The following DCC variants were observed in gnomAD, a reference collection of about 807,000 sequenced individuals.
DCC encodes the protein netrin receptor DCC.
In DCC, 58 loss-of-function variants were observed where a neutral mutation model predicts 172.5. That is an observed-to-expected ratio of 0.34 (90% CI 0.27 to 0.42). The LOEUF is 0.42. DCC is among the 10% of genes least tolerant of loss of function. The pLI, the probability that DCC is intolerant of heterozygous loss-of-function variation, is 1.00. For synonymous variants in DCC, 709 were observed against 644.5 expected, an observed-to-expected ratio of 1.10 and a Z score of -1.52; for missense variants, 1,740 against 1,791.0, an observed-to-expected ratio of 0.97 and a Z score of 0.51.
intron 13 of DCC, among the ~76,000 whole-genome samples, chr18:53,320,320 C>A (rs1403111665): frequency 1.3e-5 from 2 of 152,102 alleles, no homozygotes; most frequent in South Asian, 4.1e-4. Flanking sequence ...GATCCGCCCG[C>A]CTCGGCCTCC....
chr18:53,070,137 G>C (rs776436567), intron 7 of DCC, among the ~76,000 whole-genome samples: 1 of 151,960 alleles, frequency 6.6e-6, no homozygotes, highest in South Asian at 2.1e-4. Flanking sequence ...CCACCACCAA[G>C]CCCAGCTAAT....
intron 1 of DCC, among the ~76,000 whole-genome samples, chr18:52,582,400 C>T (rs1226103277): frequency 6.6e-6 from 1 of 152,130 alleles, no homozygotes; most frequent in African/African-American, 2.4e-5. Context: ...GGCTTAATGG[C>T]ATTTAGCATC....
In DCC at chr18:53,499,349, A is replaced by G. The variant is rs1449194033; in HGVS notation, c.3950A>G (p.Gln1317Arg). 1.2e-6 allele frequency: 2 copies of G among 1,614,080 alleles called. No individual in the cohort carries two copies. Among genetic ancestry groups the G allele is most frequent in the East Asian group, 2.2e-5 (1 of 44,866 alleles). Residue 1317 changes from glutamine (Q) to arginine (R), a missense_variant, in exon 27 of 29, where the codon CAG (glutamine) becomes CGG (arginine). Coordinates refer to ENST00000442544, the MANE Select transcript of DCC (RefSeq NM_005215.4). ...TQQPPMLPPS[Q>R]PEHSSSEEAP... ...CAACCACCTATGCTGCCCCCATCTC[A>G]GCCTGAGCATTCTAGCAGCGAGGAG...
chr18:52,895,829 G>A (rs919097125), intron 2 of DCC, among the ~76,000 whole-genome samples: 1 of 152,118 alleles, frequency 6.6e-6, no homozygotes, highest in Non-Finnish European at 1.5e-5. Flanking sequence ...GTGTTGCCCA[G>A]GCTGGAGTGC....
intron 7 of DCC, among the ~76,000 whole-genome samples, chr18:53,138,665 C>T (rs1247819081): frequency 4.6e-5 from 7 of 152,272 alleles, no homozygotes; most frequent in South Asian, 2.1e-4. Context: ...TAACTCATGG[C>T]TCTCTGCCTT....
At chr18:52,443,574 C>T (rs907465459) in intron 1 of DCC, among the ~76,000 whole-genome samples, 5 of 151,990 alleles carry the variant, frequency 3.3e-5, no homozygotes, top group Non-Finnish European at 7.4e-5. Context: ...ACATTCTAGG[C>T]AGAAAGAACA....
intron 5 of DCC, among the ~76,000 whole-genome samples, chr18:52,928,637 A>T (rs1472066269): frequency 6.6e-6 from 1 of 152,192 alleles, no homozygotes; most frequent in African/African-American, 2.4e-5. Flanking sequence ...ACTGAGTTCA[A>T]ACCATGTGAG....
chr18:53,225,604 G>A (rs1418888482), intron 12 of DCC, among the ~76,000 whole-genome samples: 2 of 152,170 alleles, frequency 1.3e-5, no homozygotes, highest in African/African-American at 4.8e-5. Flanking sequence ...AAGGTCATCA[G>A]AGTATGAAGG....
intron 5 of DCC, among the ~76,000 whole-genome samples, chr18:53,061,607 G>C (rs942275562): frequency 2.0e-5 from 3 of 152,102 alleles, no homozygotes; most frequent in Non-Finnish European, 4.4e-5. Flanking sequence ...TTATCTCTCA[G>C]GCTCTGGAAG....
intron 1 of DCC, among the ~76,000 whole-genome samples, chr18:52,513,052 G>A (rs865970378): frequency 6.6e-6 from 1 of 152,082 alleles, no homozygotes; most frequent in African/African-American, 2.4e-5. Context: ...TCCCTAAAGA[G>A]AACTGCTCTT....
chr18:53,396,272 T>C (rs1695040413), intron 17 of DCC, among the ~76,000 whole-genome samples: 1 of 152,182 alleles, frequency 6.6e-6, no homozygotes, highest in Non-Finnish European at 1.5e-5. Flanking sequence ...TCATACCAAG[T>C]ACAAAATCAT....
chr18:52,651,560 A>G (rs900266496), intron 1 of DCC, among the ~76,000 whole-genome samples: 11 of 148,434 alleles, frequency 7.4e-5, no homozygotes, highest in African/African-American at 2.5e-4. Flanking sequence ...TCTTAAATGT[A>G]TGTGTTTGAA....
chr18:53,181,365 G>C (rs2144487105), intron 9 of DCC, among the ~76,000 whole-genome samples: 1 of 150,148 alleles, frequency 6.7e-6, no homozygotes, highest in Non-Finnish European at 1.5e-5. Context: ...TTGTTTCTAA[G>C]CATTCAACTT....
intron 9 of DCC, among the ~76,000 whole-genome samples, chr18:53,181,321 G>A (rs1326851025): frequency 1.3e-5 from 2 of 151,666 alleles, no homozygotes; most frequent in Admixed American, 1.3e-4. Context: ...TGCTTTGTAA[G>A]AATGAGCATT....
At chr18:53,338,810 T>C (rs2057620504) in intron 14 of DCC, among the ~76,000 whole-genome samples, 1 of 152,202 alleles carries the variant, frequency 6.6e-6, no homozygotes, top group South Asian at 2.1e-4. Flanking sequence ...TATTTGAGAA[T>C]TTATTTGCTA....
intron 1 of DCC, among the ~76,000 whole-genome samples, chr18:52,408,829 A>G (rs1986746340): frequency 6.6e-6 from 1 of 152,128 alleles, no homozygotes; most frequent in South Asian, 2.1e-4. Context: ...ACTATCTGTA[A>G]GGAATCTTTT....
chr18:53,396,880 G>A (rs1433914883), intron 17 of DCC, among the ~76,000 whole-genome samples: 1 of 152,032 alleles, frequency 6.6e-6, no homozygotes, highest in Non-Finnish European at 1.5e-5. Context: ...GTTGACAGAA[G>A]GAAGTGGAAT....
chr18:53,426,448 T>G (rs1910967566), intron 21 of DCC, among the ~76,000 whole-genome samples: 1 of 140,122 alleles, frequency 7.1e-6, no homozygotes, highest in African/African-American at 2.5e-5. Flanking sequence ...ATTTATATAT[T>G]TATGTAATAT....
At chr18:53,351,336 T>A (rs1404103869) in intron 15 of DCC, among the ~76,000 whole-genome samples, 4 of 9,196 alleles carry the variant, frequency 4.3e-4, no homozygotes, top group Non-Finnish European at 1.1e-3. Context: ...ATATATACAG[T>A]GTATATATAT....
Sources: allele counts gnomAD v4.1 joint callset (sites outside exome capture counted in the v4.1 genomes callset), GRCh38; gene constraint gnomAD v4.1.1; transcripts MANE v1.5; gene names NCBI Gene and HGNC (gene_info 2026-07-23, HGNC 2026-07-21).